DDX17: variants seen among roughly 807,000 people sequenced by gnomAD.
The protein encoded by DDX17 is DEAD-box helicase 17, also known as probable ATP-dependent RNA helicase DDX17.
DDX17 carries 10 observed loss-of-function variants against 80.8 expected under a neutral mutation model. The ratio of observed to expected loss-of-function variants is 0.12; its 90% CI spans 0.08 to 0.21. The LOEUF (loss-of-function observed/expected upper bound fraction) is 0.21, where lower values mean the gene tolerates loss of function less well. Among genes scored for constraint, DDX17 ranks in the 10% least tolerant of loss-of-function variants. DDX17 has a pLI of 1.00. For missense variants in DDX17, 586 were observed against 957.4 expected (o/e 0.61, Z 5.12); for synonymous variants, 339 against 336.2 (o/e 1.01, Z -0.09).
intron 2 of DDX17, among the ~76,000 whole-genome samples, chr22:38,500,437 C>CG (rs1859610851): frequency 6.6e-6 from 1 of 151,176 alleles, no homozygotes; most frequent in African/African-American, 2.4e-5. Context: ...GGTCAGGAGA[C>CG]GGAGACCAGT....
intron 5 of DDX17, 35 bp downstream of exon 5, chr22:38,498,050 T>G: frequency 6.2e-7 from 1 of 1,601,034 alleles, no homozygotes; most frequent in Non-Finnish European, 8.6e-7. Context: ...ATTGTAGTTT[T>G]TCTTAGAATT....
At position 38,489,992 on chromosome 22, in the gene DDX17, G is replaced by A. The variant is rs2089697425; in HGVS notation, c.1448-1877C>T. On this transcript the variant is annotated intron_variant, in intron 11 of 12. Transcript: ENST00000403230. The surrounding 1 kb of genome is among the most constrained non-coding windows in gnomAD (Gnocchi z 4.6). Reference sequence around the variant, plus strand: ...GTGCTTTCCTAGCAGAAAGCACCAGGGTGGAGTCAACAGTTCACATGCTAA... The same window carrying A: ...GTGCTTTCCTAGCAGAAAGCACCAGAGTGGAGTCAACAGTTCACATGCTAA... 2.0e-6 allele frequency: 2 copies of A among 1,018,132 alleles called. No individual in the cohort carries two copies. Among genetic ancestry groups the A allele is most frequent in the Non-Finnish European group, 2.4e-6 (2 of 848,718 alleles). The allele number at this position is 1,018,132 out of a possible 1,614,324, so 63.1% of individuals were successfully genotyped here. A position where few individuals can be genotyped will look rare whatever the true frequency, so the allele number is the denominator to read the frequency against.
At position 38,494,619 on chromosome 22, in the gene DDX17, A is replaced by C. The variant is rs555046094; in HGVS notation, c.1214+11T>G. ...CAGCATTATCAAATCAGAGTAAAATATCTTTCATACTTGTGGTCTTTTTCA... is the reference window on the plus strand; with the variant it reads ...CAGCATTATCAAATCAGAGTAAAATCTCTTTCATACTTGTGGTCTTTTTCA... On this transcript the variant is annotated intron_variant, in intron 8 of 12. Transcript: ENST00000403230. 12 of 1,612,796 alleles carry C rather than the reference A, an allele frequency of 7.4e-6. No individual in the cohort carries two copies. The highest frequency in any genetic ancestry group is 1.0e-5 in the Non-Finnish European group (12 of 1,179,176).
At position 38,487,941 on chromosome 22, in the gene DDX17, T is replaced by C. The variant is rs546476409; in HGVS notation, c.1622A>G (p.Asn541Ser). Residue 541 changes from asparagine (N) to serine (S), a missense_variant, in exon 12 of 13, where the codon AAT becomes AGT. Physicochemically the swap from Asn to Ser is conservative, Grantham distance 46. Transcript: ENST00000403230. ...CATCAGTTTTGGATTGATAGCCTGA[T>C]TGGCCTCTTCCAGCACTTTGATAAG... is the stretch of plus-strand genomic sequence containing the variant. The C allele has an allele frequency of 3.0e-5, 48 of 1,614,228 alleles. No individual in the cohort carries two copies. The Middle Eastern group carries it at 6.6e-4, about 22-fold the overall frequency.
At chr22:38,494,863 T>G in intron 7 of DDX17, 23 bp downstream of exon 7, 1 of 1,613,872 alleles carries the variant, frequency 6.2e-7, no homozygotes, top group Admixed American at 1.7e-5. Flanking sequence ...GCATAAAGAC[T>G]GCTTATTATT....
intron 12 of DDX17, 125 bp downstream of exon 12, chr22:38,487,754 G>T: frequency 1.1e-6 from 1 of 906,976 alleles, no homozygotes; most frequent in South Asian, 1.5e-5. Flanking sequence ...AAAGCATTAG[G>T]CAGTGTCCTT....
intron 6 of DDX17, among the ~76,000 whole-genome samples, chr22:38,495,560 TA>T (rs2089754838): frequency 6.6e-6 from 1 of 152,186 alleles, no homozygotes; most frequent in Non-Finnish European, 1.5e-5. Flanking sequence ...AGCTAAATTT[TA>T]ACAAAGTAAC....
intron 3 of DDX17, 103 bp downstream of exon 3, chr22:38,499,292 GTCCTT>G: frequency 1.3e-6 from 1 of 795,350 alleles, no homozygotes; most frequent in Non-Finnish European, 2.2e-6. Context: ...ACAATCTCTT[GTCCTT>G]TCAACAAAAC....
chr22:38,492,087 A>G lies in DDX17; in HGVS notation c.1416T>C (p.Leu472=). The G allele has an allele frequency of 6.2e-7, 1 of 1,612,624 alleles. No homozygotes were observed. Among genetic ancestry groups the G allele is most frequent in the Non-Finnish European group, 8.5e-7 (1 of 1,179,378 alleles). ...CACGGGAGGCTACATCTGTAGCAAT[A>G]AGGATGGGTGCCTTTCCAGAACGGA... The change falls in exon 11 of 13, where the codon CTT becomes CTC. Residue 472 remains leucine (L), a synonymous_variant. Transcript: ENST00000403230.
Position 38,499,430 on chromosome 22 carries a change from C to G in DDX17, c.508G>C (p.Val170Leu). ...AAGTTAGCATGATGGAAGGCAAACA[C>G]GGGTTTAGGACAAACATCTCCCCCC... Residue 170 changes from valine to leucine, a missense_variant, in exon 3 of 13, where the codon GTG becomes CTG. This residue lies in a region of DDX17 where 215 missense variants were observed against 238.4 expected (regional missense o/e 0.90). Transcript: ENST00000403230. 6.2e-7 allele frequency: 1 copy of G among 1,613,976 alleles called. No homozygotes were observed. Among genetic ancestry groups the G allele is most frequent in the Non-Finnish European group, 8.5e-7 (1 of 1,179,944 alleles).
intron 10 of DDX17, among the ~76,000 whole-genome samples, chr22:38,492,590 G>C (rs2089724210): frequency 3.3e-5 from 5 of 152,164 alleles, no homozygotes; most frequent in Admixed American, 2.0e-4. Flanking sequence ...GGGTTCAAGC[G>C]ATTCTCCTGC....
At position 38,491,678 on chromosome 22, in the gene DDX17, C is replaced by T. The variant is rs1602673811; in HGVS notation, c.1447+378G>A. 1.6e-5 allele frequency: 3 copies of T among 182,702 alleles called. No homozygotes were observed. The South Asian group carries it at 5.5e-4, about 33-fold the overall frequency. 11.3% of individuals were successfully genotyped at this position (182,702 alleles called of 1,614,324 possible). A position where few individuals can be genotyped will look rare whatever the true frequency, so the allele number is the denominator to read the frequency against. Reference sequence around the variant, plus strand: ...GGAAAAGAATAACTGAAGAAACTAGCTTACAATAGCTAGGTTTCGTCAGGC... The same window carrying T: ...GGAAAAGAATAACTGAAGAAACTAGTTTACAATAGCTAGGTTTCGTCAGGC... On this transcript the variant is annotated intron_variant, in intron 11 of 12. Transcript: ENST00000403230.
In DDX17 at chr22:38,484,682, C is replaced by T. The variant is rs138437; in HGVS notation, c.*1253G>A. On this transcript the variant is annotated 3_prime_UTR_variant, in exon 13 of 13. Coordinates refer to ENST00000403230, the MANE Select transcript of DDX17 (RefSeq NM_006386.5). ...TAAAGTCTTGGTAAAACAGCATTAC[C>T]ATGAAGAGGATGAACTCACCTACCT... The T allele has an allele frequency of 0.98, 149,456 of 152,322 alleles. 73,356 individuals carry two copies. Among genetic ancestry groups the T allele is most frequent in the African/African-American group, 0.99 (41,276 of 41,568 alleles). 9.4% of individuals were successfully genotyped at this position (152,322 alleles called of 1,614,324 possible).
chr22:38,493,825 C>A, intron 9 of DDX17, 54 bp from the exon 10 acceptor site: 1 of 1,567,658 alleles, frequency 6.4e-7, no homozygotes, highest in Non-Finnish European at 8.8e-7. Context: ...TGGAGAAAAT[C>A]GAACTTTAAA....
Position 38,485,791 on chromosome 22 carries a change from A to G in DDX17, c.*144T>C. 3 of 1,262,832 alleles carry G rather than the reference A, an allele frequency of 2.4e-6. No individual in the cohort carries two copies. The highest frequency in any genetic ancestry group is 3.1e-6 in the Non-Finnish European group (3 of 960,938). The allele number at this position is 1,262,832 out of a possible 1,614,324, so 78.2% of individuals were successfully genotyped here. ...TTCTAACTAATCTGCATGAAAAGAC[A>G]AATCACGATGGTTGGGGGGAAAAAT... On this transcript the variant is annotated 3_prime_UTR_variant, in exon 13 of 13. Coordinates refer to ENST00000403230, the MANE Select transcript of DDX17 (RefSeq NM_006386.5).
intron 10 of DDX17, among the ~76,000 whole-genome samples, chr22:38,492,706 G>T (rs1425838297): frequency 6.6e-6 from 1 of 152,040 alleles, no homozygotes; most frequent in African/African-American, 2.4e-5. Flanking sequence ...GGCTGGTCTC[G>T]AACTCCCAAC....
At chr22:38,488,235 A>T in intron 11 of DDX17, 120 bp from the exon 12 acceptor site, 2 of 1,589,558 alleles carry the variant, frequency 1.3e-6, no homozygotes, top group Non-Finnish European at 1.7e-6. Context: ...AAAGAAGGTG[A>T]AGTTAGTAAC....
intron 11 of DDX17, chr22:38,488,900 G>A (rs2089687726): frequency 3.0e-6 from 3 of 985,284 alleles, no homozygotes; most frequent in Non-Finnish European, 3.6e-6. Flanking sequence ...ATCAATGATT[G>A]TCTACGTGAC....
In DDX17 at chr22:38,495,810, C is replaced by T. The variant is rs2089758972; in HGVS notation, c.866G>A (p.Arg289Gln). The change falls in exon 6 of 13, where the codon CGA becomes CAA. Residue 289 changes from arginine (R) to glutamine (Q), a missense_variant. Arg to Gln is a conservative substitution (Grantham distance 43). Around this residue, in one of 4 missense-constraint regions of DDX17, gnomAD observed 141 missense variants for 379.3 expected, o/e 0.37. Transcript: ENST00000403230. ...TATATTATTACCTCTTTCCAAGTCT[C>T]GAATCTGGGGACCTTTAGGAGCACC... The T allele has an allele frequency of 6.3e-7, 1 of 1,597,636 alleles. No individual in the cohort carries two copies. Among genetic ancestry groups the T allele is most frequent in the Non-Finnish European group, 8.5e-7 (1 of 1,172,892 alleles).
Sources: gnomAD v4.1 joint callset for allele counts (sites outside exome capture counted in the v4.1 genomes callset) on GRCh38, gnomAD v4.1.1 for gene constraint, gnomAD v4.1.1 regional missense constraint, Gnocchi (gnomAD v3.1) non-coding constraint, MANE v1.5 for transcripts, NCBI Gene and HGNC (gene_info 2026-07-23, HGNC 2026-07-21) for gene names.